Variants in GRM5 observed in about 807,000 individuals in gnomAD.
GRM5 encodes glutamate metabotropic receptor 5.
GRM5 carries 19 observed loss-of-function variants against 83.1 expected under a neutral mutation model. The observed-to-expected ratio is 0.23, with a 90% CI of 0.16 to 0.34. GRM5 has a LOEUF of 0.34. GRM5 is among the 10% of genes least tolerant of loss of function. GRM5 has a pLI of 1.00. For missense variants in GRM5, 1,160 were observed against 1,588.3 expected (o/e 0.73, Z 4.58); for synonymous variants, 675 against 633.6 (o/e 1.07, Z -0.98).
chr11:88,928,592 T>C (rs551884204), intron 2 of GRM5, among the ~76,000 whole-genome samples: 1 of 151,806 alleles, frequency 6.6e-6, no homozygotes, highest in Admixed American at 6.6e-5. Context: ...TTTATTGTAG[T>C]TTTTGGTCAC....
At chr11:88,761,305 T>C (rs949030494) in intron 3 of GRM5, among the ~76,000 whole-genome samples, 15 of 152,082 alleles carry the variant, frequency 9.9e-5, no homozygotes, top group African/African-American at 3.6e-4. Context: ...GAAAACCCCA[T>C]AGTCTTGGCC....
intron 2 of GRM5, among the ~76,000 whole-genome samples, chr11:88,884,231 C>T (rs1375645909): frequency 1.3e-5 from 2 of 152,206 alleles, no homozygotes; most frequent in Non-Finnish European, 2.9e-5. Flanking sequence ...CCACCTCTTG[C>T]ATCAGCATGA....
chr11:88,773,414 T>C (rs906030607), intron 3 of GRM5, among the ~76,000 whole-genome samples: 3 of 152,346 alleles, frequency 2.0e-5, no homozygotes, highest in African/African-American at 7.2e-5. Flanking sequence ...CTGTTCACTC[T>C]GATGATAGTT....
At chr11:88,992,875 G>A in intron 2 of GRM5, among the ~76,000 whole-genome samples, 1 of 143,244 alleles carries the variant, frequency 7.0e-6, no homozygotes, top group Non-Finnish European at 1.5e-5. Flanking sequence ...CGTGGGGTGG[G>A]GGAGGGGGGA....
chr11:88,704,185 A>G (rs1038468710), intron 3 of GRM5, among the ~76,000 whole-genome samples: 1 of 152,060 alleles, frequency 6.6e-6, no homozygotes, highest in Non-Finnish European at 1.5e-5. Flanking sequence ...AATCCTCTTT[A>G]TCTTCCAAAA....
chr11:88,760,912 C>T (rs10831374), intron 3 of GRM5, among the ~76,000 whole-genome samples: 110,054 of 151,998 alleles, frequency 0.72, 40,257 homozygotes, highest in African/African-American at 0.75. Context: ...GGGATGCAAA[C>T]CAATAAACAT....
chr11:88,618,226 T>C (rs1014706344), intron 4 of GRM5, among the ~76,000 whole-genome samples: 2 of 152,174 alleles, frequency 1.3e-5, no homozygotes, highest in African/African-American at 4.8e-5. Context: ...ATCAGTATTC[T>C]CCATTAGATT....
chr11:88,581,941 T>G (rs1943219363), intron 7 of GRM5, among the ~76,000 whole-genome samples: 1 of 152,206 alleles, frequency 6.6e-6, no homozygotes, highest in South Asian at 2.1e-4. Flanking sequence ...TTCACATACA[T>G]GAATTCCCTT....
chr11:88,861,931 C>G (rs1944571232), intron 2 of GRM5, among the ~76,000 whole-genome samples: 1 of 152,128 alleles, frequency 6.6e-6, no homozygotes, highest in Non-Finnish European at 1.5e-5. Context: ...GTTAATTACC[C>G]TCTTTATCTC....
In GRM5 at chr11:88,964,961, T is replaced by G. The variant is rs372715633; in HGVS notation, c.661+82251A>C. Among the ~76,000 whole-genome samples, 18 of 152,188 alleles carry G rather than the reference T, an allele frequency of 1.2e-4. No homozygotes were observed. In the Middle Eastern group the frequency reaches 0.017, roughly 144 times the overall value. On this transcript the variant is annotated intron_variant, in intron 2 of 9. Transcript: ENST00000305447. ...TAAAAAGTTGCTAAGTTAACTCAAG[T>G]GGTCAGAAAAAGAACAATAAAACAA...
At chr11:88,789,539 T>G (rs1225781545) in intron 3 of GRM5, among the ~76,000 whole-genome samples, 1 of 152,202 alleles carries the variant, frequency 6.6e-6, no homozygotes, top group East Asian at 1.9e-4. Context: ...TTTGATATTT[T>G]TAATACTCAG....
intron 2 of GRM5, among the ~76,000 whole-genome samples, chr11:88,938,783 T>A (rs973662132): frequency 6.6e-6 from 1 of 151,828 alleles, no homozygotes; most frequent in East Asian, 1.9e-4. Context: ...TAAAATTGGA[T>A]TATGTTTTTA....
intron 2 of GRM5, among the ~76,000 whole-genome samples, chr11:88,894,548 G>GGCACTAA (rs1565281165): frequency 6.6e-6 from 1 of 151,958 alleles, no homozygotes; most frequent in East Asian, 1.9e-4. Context: ...TTTCTAACCT[G>GGCACTAA]TGTTCTAGTG....
chr11:88,640,455 T>G (rs1939258046), intron 4 of GRM5, among the ~76,000 whole-genome samples: 1 of 152,178 alleles, frequency 6.6e-6, no homozygotes, highest in Non-Finnish European at 1.5e-5. Flanking sequence ...TGGGGTTTTC[T>G]CCATGAATAA....
chr11:88,587,147 T>C lies in GRM5; in HGVS notation c.1690+3454A>G, dbSNP rs116232459. On this transcript the variant is annotated intron_variant, in intron 7 of 9. Coordinates refer to ENST00000305447, the MANE Select transcript of GRM5 (RefSeq NM_001143831.3). Reference sequence around the variant, plus strand: ...AGATATGTATACAGATCATTAAAATTTAGTTTGCAAAGTGATTTAAAGGGG... The same window carrying C: ...AGATATGTATACAGATCATTAAAATCTAGTTTGCAAAGTGATTTAAAGGGG... Among the ~76,000 whole-genome samples the C allele has an allele frequency of 7.3e-3, 1,118 of 152,260 alleles. 11 individuals carry two copies. Among genetic ancestry groups the C allele is most frequent in the African/African-American group, 0.026 (1,079 of 41,560 alleles).
Position 88,549,498 on chromosome 11 carries a change from G to A in GRM5, c.2630+17555C>T, listed in dbSNP as rs114478733. On this transcript the variant is annotated intron_variant, in intron 8 of 9. Transcript: ENST00000305447. The stretch of plus-strand genomic sequence containing the variant: ...ACAAACCAAACCCCAACCCCCCAGA[G>A]AACAAACAACAACAACAAAAGAAAT... Among the ~76,000 whole-genome samples the A allele has an allele frequency of 6.6e-3, 988 of 150,562 alleles. 11 individuals are homozygous for A. Among genetic ancestry groups the A allele is most frequent in the African/African-American group, 0.019 (797 of 41,050 alleles).
At chr11:88,586,287 T>C (rs567963177) in intron 7 of GRM5, among the ~76,000 whole-genome samples, 2 of 152,266 alleles carry the variant, frequency 1.3e-5, no homozygotes, top group East Asian at 3.9e-4. Context: ...TTAATGTCAG[T>C]TGATTGCTAC....
At chr11:88,938,231 T>C (rs963943286) in intron 2 of GRM5, among the ~76,000 whole-genome samples, 1 of 151,772 alleles carries the variant, frequency 6.6e-6, no homozygotes, top group Non-Finnish European at 1.5e-5. Context: ...ATATTTATAA[T>C]GAGAAGTGTG....
intron 3 of GRM5, among the ~76,000 whole-genome samples, chr11:88,786,864 C>A (rs1445000980): frequency 6.6e-6 from 1 of 151,918 alleles, no homozygotes; most frequent in Non-Finnish European, 1.5e-5. Flanking sequence ...AATTGCTGGA[C>A]TCTGGGACAA....
Sources: allele counts gnomAD v4.1 joint callset (sites outside exome capture counted in the v4.1 genomes callset), GRCh38; gene constraint gnomAD v4.1.1; transcripts MANE v1.5; gene names NCBI Gene and HGNC (gene_info 2026-07-23, HGNC 2026-07-21).